Variants in ELAPOR2 observed in about 807,000 individuals in gnomAD.
ELAPOR2 encodes the protein endosome/lysosome-associated apoptosis and autophagy regulator family member 2.
Under a neutral mutation model 120.7 loss-of-function variants are expected in ELAPOR2, and 89 were observed. The observed-to-expected ratio is 0.74, with a 90% CI of 0.62 to 0.88. The LOEUF (loss-of-function observed/expected upper bound fraction) is 0.88, where lower values mean the gene tolerates loss of function less well. Ranked by LOEUF, ELAPOR2 falls within the 40% of genes least tolerant of loss-of-function variation. The pLI, the probability that ELAPOR2 is intolerant of heterozygous loss-of-function variation, is 0.00. For missense variants in ELAPOR2, 1,134 were observed against 1,251.6 expected (o/e 0.91, Z 1.42); for synonymous variants, 444 against 444.9 (o/e 1.00, Z 0.03).
At chr7:86,908,333 A>C (rs1288089996) in intron 17 of ELAPOR2, 114 bp downstream of exon 17, 3 of 597,880 alleles carry the variant, frequency 5.0e-6, no homozygotes, top group East Asian at 3.3e-5. Flanking sequence ...ATAAGAACTC[A>C]CATCTGGTAT....
At chr7:87,049,524 C>T (rs1584045212) in intron 1 of ELAPOR2, among the ~76,000 whole-genome samples, 1 of 152,104 alleles carries the variant, frequency 6.6e-6, no homozygotes, top group Non-Finnish European at 1.5e-5. Flanking sequence ...CCTCGTGATC[C>T]GCCAGCCTCG....
chr7:86,918,415 G>C (rs1375919491), intron 12 of ELAPOR2, 27 bp downstream of exon 12: 1 of 1,379,578 alleles, frequency 7.2e-7, no homozygotes. Flanking sequence ...TTAGAAATCT[G>C]CCTTTGAAAG....
Position 86,879,110 on chromosome 7 carries a change from A to T in ELAPOR2, c.*1361T>A, listed in dbSNP as rs1385683422. 2.0e-5 allele frequency: 3 copies of T among 152,148 alleles called. No homozygotes were observed. The highest frequency in any genetic ancestry group is 2.0e-4 in the Admixed American group (3 of 15,268). 9.4% of individuals were successfully genotyped at this position (152,148 alleles called of 1,614,324 possible). ...ACAACTATTTTTTTAAATCTGCATT[A>T]AGGTCTATAAAGATTACTGTTTATT... On this transcript the variant is annotated 3_prime_UTR_variant, in exon 22 of 22. Transcript: ENST00000450689.
At chr7:86,931,497 T>C (rs1790323928) in intron 8 of ELAPOR2, among the ~76,000 whole-genome samples, 5 of 151,948 alleles carry the variant, frequency 3.3e-5, no homozygotes, top group Admixed American at 2.6e-4. Flanking sequence ...ATACAAAATA[T>C]CCTGGCCTCT....
At chr7:86,889,926 AC>A (rs1433519655) in intron 21 of ELAPOR2, among the ~76,000 whole-genome samples, 3 of 151,810 alleles carry the variant, frequency 2.0e-5, no homozygotes, top group African/African-American at 7.3e-5. Flanking sequence ...TGAGTCTGGG[AC>A]CCTGAGGGTA....
At chr7:86,980,462 T>A (rs1424652183) in intron 1 of ELAPOR2, among the ~76,000 whole-genome samples, 3 of 152,236 alleles carry the variant, frequency 2.0e-5, no homozygotes, top group Non-Finnish European at 4.4e-5. Context: ...CTTTCTGCAG[T>A]CTTTACGGAC....
intron 2 of ELAPOR2, 25 bp downstream of exon 2, chr7:86,964,878 CA>C (rs1275818899): frequency 6.4e-7 from 1 of 1,550,832 alleles, no homozygotes; most frequent in East Asian, 2.4e-5. Flanking sequence ...ATCAAGAAAA[CA>C]AATGGTCAAA....
At chr7:86,948,807 C>T (rs1461605021) in intron 2 of ELAPOR2, among the ~76,000 whole-genome samples, 3 of 152,012 alleles carry the variant, frequency 2.0e-5, no homozygotes, top group East Asian at 1.9e-4. Context: ...GCTATGTGCA[C>T]GATGGTATTA....
chr7:86,909,784 A>T, intron 16 of ELAPOR2, 28 bp downstream of exon 16: 1 of 1,538,424 alleles, frequency 6.5e-7, no homozygotes, highest in Non-Finnish European at 8.9e-7. Context: ...AAATGTATGC[A>T]TGCATATATG....
chr7:86,999,195 C>T (rs963909039), intron 1 of ELAPOR2, among the ~76,000 whole-genome samples: 3 of 152,096 alleles, frequency 2.0e-5, no homozygotes, highest in African/African-American at 7.2e-5. Flanking sequence ...CTTTCCTTGG[C>T]ATTTTCTAGT....
chr7:86,888,148 T>G (rs1347082729), intron 21 of ELAPOR2, among the ~76,000 whole-genome samples: 1 of 152,042 alleles, frequency 6.6e-6, no homozygotes, highest in Non-Finnish European at 1.5e-5. Context: ...ACCTGATGAG[T>G]GCACTGCCCC....
chr7:86,938,549 T>C (rs1218309915), intron 7 of ELAPOR2, among the ~76,000 whole-genome samples: 3 of 152,056 alleles, frequency 2.0e-5, no homozygotes, highest in African/African-American at 7.2e-5. Flanking sequence ...AGTATAAACA[T>C]TTTTAGATTA....
chr7:86,972,263 C>T (rs1490303184), intron 1 of ELAPOR2, among the ~76,000 whole-genome samples: 1 of 152,100 alleles, frequency 6.6e-6, no homozygotes, highest in East Asian at 1.9e-4. Context: ...TTCAGCTGCA[C>T]CACCCAATCA....
At chr7:87,040,237 A>C (rs1255016655) in intron 1 of ELAPOR2, among the ~76,000 whole-genome samples, 1 of 152,256 alleles carries the variant, frequency 6.6e-6, no homozygotes, top group East Asian at 1.9e-4. Context: ...TAAACAAAGC[A>C]GCCGGAAAGC....
In ELAPOR2 at chr7:87,005,343, A is replaced by G. The variant is rs1363815633; in HGVS notation, c.190-40319T>C. On this transcript the variant is annotated intron_variant, in intron 1 of 21. Coordinates refer to ENST00000450689, the MANE Select transcript of ELAPOR2 (RefSeq NM_001142749.3). ...CTGTGTTTCCTCAATAGGGCTAAAA[A>G]AGAATTACCCAGGAAGCCTTCTATA... Among the ~76,000 whole-genome samples the G allele has an allele frequency of 2.0e-5, 3 of 151,946 alleles. No homozygotes were observed. The East Asian group carries it at 5.8e-4, about 29-fold the overall frequency.
At chr7:86,925,441 T>C (rs1790021311) in intron 10 of ELAPOR2, 87 bp downstream of exon 10, 10 of 1,371,178 alleles carry the variant, frequency 7.3e-6, no homozygotes, top group Admixed American at 1.7e-5. Flanking sequence ...CTCATACCCA[T>C]ACTTGGTATG....
intron 1 of ELAPOR2, among the ~76,000 whole-genome samples, chr7:87,015,589 C>A (rs1213852131): frequency 1.3e-5 from 2 of 152,096 alleles, no homozygotes; most frequent in Non-Finnish European, 2.9e-5. Context: ...GAGCTCGAGA[C>A]CAGCCTAGCC....
chr7:86,971,264 T>C (rs1244669108), intron 1 of ELAPOR2, among the ~76,000 whole-genome samples: 2 of 152,224 alleles, frequency 1.3e-5, no homozygotes, highest in African/African-American at 2.4e-5. Context: ...TTATGGTCTA[T>C]GTTCCATATT....
chr7:86,961,756 A>G (rs1404193660), intron 2 of ELAPOR2, among the ~76,000 whole-genome samples: 2 of 152,228 alleles, frequency 1.3e-5, no homozygotes, highest in African/African-American at 2.4e-5. Flanking sequence ...TAAAACAAAG[A>G]GTGTTGTGGT....
Sources: gnomAD v4.1 joint callset for allele counts (sites outside exome capture counted in the v4.1 genomes callset) on GRCh38, gnomAD v4.1.1 for gene constraint, MANE v1.5 for transcripts, NCBI Gene and HGNC (gene_info 2026-07-23, HGNC 2026-07-21) for gene names.